Variants in MMP16 observed in about 807,000 individuals in gnomAD.
The protein encoded by MMP16 is matrix metallopeptidase 16.
MMP16 carries 12 observed loss-of-function variants against 67.8 expected under a neutral mutation model. The observed-to-expected ratio is 0.18, with a 90% CI of 0.11 to 0.29. The LOEUF is 0.29. Among genes scored for constraint, MMP16 ranks in the 10% least tolerant of loss-of-function variants. The pLI is 1.00. For missense variants in MMP16, 475 were observed against 765.7 expected, an observed-to-expected ratio of 0.62 and a Z score of 4.48; for synonymous variants, 249 against 255.9, an observed-to-expected ratio of 0.97 and a Z score of 0.26.
chr8:88,156,995 G>C (rs944967923), intron 4 of MMP16, among the ~76,000 whole-genome samples: 1 of 152,076 alleles, frequency 6.6e-6, no homozygotes, highest in African/African-American at 2.4e-5. Context: ...TATTGTTGCA[G>C]CAGACATGGA....
intron 1 of MMP16, among the ~76,000 whole-genome samples, chr8:88,285,022 C>A (rs1217545087): frequency 6.6e-6 from 1 of 152,114 alleles, no homozygotes; most frequent in Non-Finnish European, 1.5e-5. Flanking sequence ...GTTTATTTCC[C>A]CCATAACAGC....
At chr8:88,140,675 T>C (rs976816050) in intron 4 of MMP16, among the ~76,000 whole-genome samples, 1 of 152,192 alleles carries the variant, frequency 6.6e-6, no homozygotes, top group Non-Finnish European at 1.5e-5. Flanking sequence ...AAGTTCTTTT[T>C]AATATTTTCC....
At chr8:88,295,184 G>T (rs137959905) in intron 1 of MMP16, among the ~76,000 whole-genome samples, 420 of 152,280 alleles carry the variant, frequency 2.8e-3, no homozygotes, top group Non-Finnish European at 3.8e-3. Flanking sequence ...GCACAAATAT[G>T]ACTAGTAGTT....
chr8:88,059,957 T>A (rs1055012351), intron 7 of MMP16, among the ~76,000 whole-genome samples: 5 of 148,250 alleles, frequency 3.4e-5, no homozygotes, highest in African/African-American at 1.3e-4. Flanking sequence ...AGAGATGGAC[T>A]GAAAGAGAAA....
chr8:88,208,576 A>G (rs1809464613), intron 1 of MMP16, among the ~76,000 whole-genome samples: 1 of 152,196 alleles, frequency 6.6e-6, no homozygotes, highest in Non-Finnish European at 1.5e-5. Flanking sequence ...AAGGCTCATT[A>G]CACATGGTAC....
chr8:88,180,740 A>G (rs2129737308), intron 3 of MMP16, among the ~76,000 whole-genome samples: 1 of 152,262 alleles, frequency 6.6e-6, no homozygotes, highest in East Asian at 1.9e-4. Flanking sequence ...TACAAAAAAA[A>G]GAAAAACTAT....
chr8:88,168,314 TA>T (rs1563552152), intron 3 of MMP16, among the ~76,000 whole-genome samples: 1 of 152,190 alleles, frequency 6.6e-6, no homozygotes, highest in Non-Finnish European at 1.5e-5. Context: ...GGAGCTGAAA[TA>T]AAAATTTCAA....
At chr8:88,189,385 C>G (rs549889660) in intron 2 of MMP16, among the ~76,000 whole-genome samples, 1 of 152,224 alleles carries the variant, frequency 6.6e-6, no homozygotes, top group South Asian at 2.1e-4. Flanking sequence ...CTCATCTCAG[C>G]TGAAAGCCTT....
At chr8:88,172,468 A>T (rs1808819486) in intron 3 of MMP16, among the ~76,000 whole-genome samples, 1 of 152,192 alleles carries the variant, frequency 6.6e-6, no homozygotes, top group Non-Finnish European at 1.5e-5. Context: ...CTGAAGAGAG[A>T]TGTATTTTGT....
At chr8:88,119,107 C>T (rs550496798) in intron 4 of MMP16, among the ~76,000 whole-genome samples, 1 of 151,888 alleles carries the variant, frequency 6.6e-6, no homozygotes, top group Non-Finnish European at 1.5e-5. Flanking sequence ...AAGGGAAGAA[C>T]AAAGAATAAA....
chr8:88,063,497 T>G (rs79981005), intron 7 of MMP16, among the ~76,000 whole-genome samples: 1 of 151,744 alleles, frequency 6.6e-6, no homozygotes, highest in Admixed American at 6.6e-5. Context: ...TTTTTTTTTT[T>G]TCAGAAGGAC....
intron 1 of MMP16, among the ~76,000 whole-genome samples, chr8:88,321,137 C>A (rs1384763914): frequency 6.6e-6 from 1 of 152,018 alleles, no homozygotes; most frequent in Non-Finnish European, 1.5e-5. Flanking sequence ...AAAATAAATG[C>A]AATCTGATTT....
At chr8:88,119,302 T>C (rs1226349365) in intron 4 of MMP16, among the ~76,000 whole-genome samples, 3 of 152,010 alleles carry the variant, frequency 2.0e-5, no homozygotes, top group Non-Finnish European at 4.4e-5. Flanking sequence ...AATTAAGGCA[T>C]GAAGATGACA....
rs938973619 is a variant in MMP16 at position 88,037,285 on chromosome 8, T to C, written c.*4176A>G. On this transcript the variant is annotated 3_prime_UTR_variant, in exon 10 of 10. Coordinates refer to ENST00000286614, the MANE Select transcript of MMP16 (RefSeq NM_005941.5). Reference sequence around the variant, plus strand: ...CCCACAGAGAGGGAATGAAAATAGGTACACAGTATATGAAATGGCCAAATT... The same window carrying C: ...CCCACAGAGAGGGAATGAAAATAGGCACACAGTATATGAAATGGCCAAATT... The C allele has an allele frequency of 6.6e-6, 1 of 151,454 alleles. No individual in the cohort carries two copies. Among genetic ancestry groups the C allele is most frequent in the Non-Finnish European group, 1.5e-5 (1 of 67,706 alleles). 9.4% of individuals were successfully genotyped at this position (151,454 alleles called of 1,614,324 possible). A position where few individuals can be genotyped will look rare whatever the true frequency, so the allele number is the denominator to read the frequency against.
chr8:88,248,053 A>G (rs2129916847), intron 1 of MMP16, among the ~76,000 whole-genome samples: 1 of 152,170 alleles, frequency 6.6e-6, no homozygotes, highest in Non-Finnish European at 1.5e-5. Context: ...ACCATGTTGA[A>G]ATATCCCCTA....
At chr8:88,149,301 C>G (rs1808355405) in intron 4 of MMP16, among the ~76,000 whole-genome samples, 1 of 152,224 alleles carries the variant, frequency 6.6e-6, no homozygotes, top group African/African-American at 2.4e-5. Context: ...CCCGCCATTG[C>G]CCAGGCTTGC....
chr8:88,102,768 A>C (rs1248361860), intron 6 of MMP16, among the ~76,000 whole-genome samples: 1 of 151,834 alleles, frequency 6.6e-6, no homozygotes, highest in East Asian at 2.0e-4. Context: ...GCGTTTAAAA[A>C]TTGTATGTCA....
At chr8:88,266,625 C>A (rs1172518044) in intron 1 of MMP16, among the ~76,000 whole-genome samples, 1 of 152,038 alleles carries the variant, frequency 6.6e-6, no homozygotes, top group Non-Finnish European at 1.5e-5. Context: ...ATGGGCATTT[C>A]ATAATTTTGA....
chr8:88,309,357 A>C (rs891618596), intron 1 of MMP16, among the ~76,000 whole-genome samples: 3 of 151,960 alleles, frequency 2.0e-5, no homozygotes, highest in Non-Finnish European at 4.4e-5. Flanking sequence ...GTTATGTTAA[A>C]AATATACAGA....
Sources: allele counts gnomAD v4.1 joint callset (sites outside exome capture counted in the v4.1 genomes callset), GRCh38; gene constraint gnomAD v4.1.1; transcripts MANE v1.5; gene names NCBI Gene and HGNC (gene_info 2026-07-23, HGNC 2026-07-21).